EPHB3: variants seen among roughly 807,000 people sequenced by gnomAD.
EPHB3 encodes the protein EPH receptor B3, also known as ephrin type-B receptor 3.
EPHB3 carries 33 observed loss-of-function variants against 100.2 expected under a neutral mutation model. The observed-to-expected ratio is 0.33, with a 90% CI of 0.25 to 0.44. EPHB3 has a LOEUF of 0.44. EPHB3 is among the 20% of genes least tolerant of loss of function. EPHB3 has a pLI of 1.00. For synonymous variants in EPHB3, 526 were observed against 554.7 expected (o/e 0.95, Z 0.73); for missense variants, 1,045 against 1,378.3 (o/e 0.76, Z 3.83).
rs901128310 is a variant in EPHB3, at chr3:184,578,865, T to C, written c.1801+399T>C. Among the ~76,000 whole-genome samples, 3 of 151,610 alleles carry C rather than the reference T, an allele frequency of 2.0e-5. No homozygotes were observed. Among genetic ancestry groups the C allele is most frequent in the Non-Finnish European group, 4.4e-5 (3 of 67,910 alleles). ...GAGCCAGGCGGGATGAGCAGGGTGT[T>C]GGGAGGTGAGGGAGAGCATTCCTGG... On this transcript the variant is annotated intron_variant, in intron 9 of 15. Transcript: ENST00000330394. This position sits in a 1 kb window ranked among gnomAD's most constrained non-coding sequence, Gnocchi z 4.7.
In EPHB3 at chr3:184,577,905, G is replaced by A. The variant is rs1308947862; in HGVS notation, c.1647G>A (p.Gly549=). The A allele has an allele frequency of 6.2e-7, 1 of 1,613,670 alleles. No homozygotes were observed. The highest frequency in any genetic ancestry group is 1.7e-5 in the Admixed American group (1 of 59,968). The change falls in exon 8 of 16, where the codon GGG becomes GGA. Residue 549 remains glycine (G), a synonymous_variant. Transcript: ENST00000330394. The surrounding 1 kb of genome is among the most constrained non-coding windows in gnomAD (Gnocchi z 4.9). ...CCCCTTCTCTATCTCCAGGCTCTGGGGCCCAGCAGCTCCAGGAGCAGCTTC... is the reference window on the plus strand; with the variant it reads ...CCCCTTCTCTATCTCCAGGCTCTGGAGCCCAGCAGCTCCAGGAGCAGCTTC... ...EFETTSERGS[G]AQQLQEQLPL...
chr3:184,578,159 C>T lies in EPHB3; in HGVS notation c.1748+153C>T, dbSNP rs1276463053. Reference sequence around the variant, plus strand: ...CAGCCGTTGCTGGAGAAGCCCTCTCCCATCCCTGCCTGTGTCTTCATCCCG... The same window carrying T: ...CAGCCGTTGCTGGAGAAGCCCTCTCTCATCCCTGCCTGTGTCTTCATCCCG... On this transcript the variant is annotated intron_variant, in intron 8 of 15. Coordinates refer to ENST00000330394, the MANE Select transcript of EPHB3 (RefSeq NM_004443.4). This position sits in a 1 kb window ranked among gnomAD's most constrained non-coding sequence, Gnocchi z 4.7. 3.3e-6 allele frequency: 3 copies of T among 905,414 alleles called. No individual in the cohort carries two copies. Among genetic ancestry groups the T allele is most frequent in the Non-Finnish European group, 3.3e-6 (2 of 609,846 alleles). The allele number at this position is 905,414 out of a possible 1,614,324, so 56.1% of individuals were successfully genotyped here.
chr3:184,581,642 C>A lies in EPHB3; in HGVS notation c.*20C>A. ...GTCTGACACCGGCTCCCACGGGGAC[C>A]CTGAGGACCGTGCAGGGATGCCAAG... On this transcript the variant is annotated 3_prime_UTR_variant, in exon 16 of 16. Transcript: ENST00000330394. 6.3e-7 allele frequency: 1 copy of A among 1,585,216 alleles called. No individual in the cohort carries two copies.
rs1321264287 is a variant in EPHB3 at position 184,569,023 on chromosome 3, G to A, written c.119-2295G>A. Among the ~76,000 whole-genome samples the A allele has an allele frequency of 6.6e-6, 1 of 152,064 alleles. No homozygotes were observed. The highest frequency in any genetic ancestry group is 2.4e-5 in the African/African-American group (1 of 41,456). ...TCCCTCCTCCCGGAGCCAGCGCAGG[G>A]CTTGTTTTAAACTGTGGAGGAATCT... On this transcript the variant is annotated intron_variant, in intron 1 of 15. Coordinates refer to ENST00000330394, the MANE Select transcript of EPHB3 (RefSeq NM_004443.4). The surrounding 1 kb of genome is among the most constrained non-coding windows in gnomAD (Gnocchi z 5.4).
chr3:184,580,047 G>C lies in EPHB3; in HGVS notation c.2172+113G>C, dbSNP rs1714781675. The C allele has an allele frequency of 2.6e-5, 39 of 1,489,060 alleles. 1 individual carries two copies. In the South Asian group the frequency reaches 4.9e-4, roughly 19 times the overall value. The allele number at this position is 1,489,060 out of a possible 1,614,324, so 92.2% of individuals were successfully genotyped here. A position where few individuals can be genotyped will look rare whatever the true frequency, so the allele number is the denominator to read the frequency against. The stretch of plus-strand genomic sequence containing the variant: ...CAAGTCCATAAGCATTTACTGAGGT[G>C]GCTTGGTGCAGGGAAATGGCAGGGC... On this transcript the variant is annotated intron_variant, in intron 11 of 15. Coordinates refer to ENST00000330394, the MANE Select transcript of EPHB3 (RefSeq NM_004443.4).
At chr3:184,567,855 G>A (rs1339212616) in intron 1 of EPHB3, among the ~76,000 whole-genome samples, 1 of 152,190 alleles carries the variant, frequency 6.6e-6, no homozygotes. Context: ...AGGTAGGCTG[G>A]AAGCGTGGGT....
chr3:184,578,483 C>G lies in EPHB3; in HGVS notation c.1801+17C>G. The G allele has an allele frequency of 6.2e-7, 1 of 1,613,824 alleles. No individual in the cohort carries two copies. The stretch of plus-strand genomic sequence containing the variant: ...AGCAGTACAGTGAGTTTGTCCCCGC[C>G]GCCCTCCCCAAGCTCTCCCAGCCCC... On this transcript the variant is annotated intron_variant, in intron 9 of 15. Transcript: ENST00000330394. The surrounding 1 kb of genome is among the most constrained non-coding windows in gnomAD (Gnocchi z 4.7).
chr3:184,568,592 A>ACCCCCCCCCCCCCCCCCCCCCCC (rs113185340), intron 1 of EPHB3, among the ~76,000 whole-genome samples: 13 of 131,084 alleles, frequency 9.9e-5, no homozygotes, highest in African/African-American at 1.5e-4. Flanking sequence ...GGGTTCTATG[A>ACCCCCCCCCCCCCCCCCCCCCCC]CCCCCCCCCC....
At position 184,573,853 on chromosome 3, in the gene EPHB3, GA is replaced by G. The variant is rs1462567630; in HGVS notation, c.856+678del. Among the ~76,000 whole-genome samples the G allele has an allele frequency of 6.6e-6, 1 of 152,042 alleles. No homozygotes were observed. The highest frequency in any genetic ancestry group is 1.5e-5 in the Non-Finnish European group (1 of 68,010). On this transcript the variant is annotated intron_variant, in intron 3 of 15. Transcript: ENST00000330394. This position sits in a 1 kb window ranked among gnomAD's most constrained non-coding sequence, Gnocchi z 4.5. ...CTGCCTCAGCCTCCTGAGTAGTTGG[GA>G]TTACAGGCATGTGCCACCACACCCA...
In EPHB3 at chr3:184,581,063, G is replaced by A. The variant is rs779302587; in HGVS notation, c.2630G>A (p.Arg877Gln). The A allele has an allele frequency of 1.3e-5, 21 of 1,614,036 alleles. No homozygotes were observed. The highest frequency in any genetic ancestry group is 4.0e-5 in the African/African-American group (3 of 74,910). ...LHQLMLDCWV[R>Q]DRNLRPKFSQ... ...CAGCTCATGCTGGACTGCTGGGTGC[G>A]GGACCGGAACCTCAGGCCCAAATTC... is the stretch of plus-strand genomic sequence containing the variant. Residue 877 changes from arginine to glutamine, a missense_variant, in exon 14 of 16, where the codon CGG becomes CAG. Transcript: ENST00000330394.
At chr3:184,568,592 A>ACCCCCCCCCCCCCCCCCCCCCCCC (rs113185340) in intron 1 of EPHB3, among the ~76,000 whole-genome samples, 22 of 131,158 alleles carry the variant, frequency 1.7e-4, no homozygotes, top group South Asian at 5.0e-4. Flanking sequence ...GGGTTCTATG[A>ACCCCCCCCCCCCCCCCCCCCCCCC]CCCCCCCCCC....
At position 184,563,082 on chromosome 3, in the gene EPHB3, G is replaced by T. The variant is rs1295856842; in HGVS notation, c.118+729G>T. Among the ~76,000 whole-genome samples the T allele has an allele frequency of 6.6e-6, 1 of 152,198 alleles. No individual in the cohort carries two copies. The highest frequency in any genetic ancestry group is 1.5e-5 in the Non-Finnish European group (1 of 68,036). On this transcript the variant is annotated intron_variant, in intron 1 of 15. Coordinates refer to ENST00000330394, the MANE Select transcript of EPHB3 (RefSeq NM_004443.4). This position sits in a 1 kb window ranked among gnomAD's most constrained non-coding sequence, Gnocchi z 4.1. ...GGGAAAAGGCCAGGCTTCTCAATAG[G>T]TTCTGTGAAACCTGCCAAGACTGCT...
Position 184,572,638 on chromosome 3 carries a change from C to T in EPHB3, c.318C>T (p.Tyr106=), listed in dbSNP as rs1422810184. 5.7e-6 allele frequency: 9 copies of T among 1,565,970 alleles called. No individual in the cohort carries two copies. Among genetic ancestry groups the T allele is most frequent in the East Asian group, 2.3e-5 (1 of 44,418 alleles). The change falls in exon 3 of 16, where the codon TAC becomes TAT. Residue 106 remains tyrosine, a synonymous_variant. Coordinates refer to ENST00000330394, the MANE Select transcript of EPHB3 (RefSeq NM_004443.4). The surrounding 1 kb of genome is among the most constrained non-coding windows in gnomAD (Gnocchi z 6.6). The part of the protein sequence containing the change: ...FIWRRDVQRV[Y]VELKFTVRDC... ...GGCGGCGGGATGTGCAGCGGGTCTA[C>T]GTGGAGCTCAAGTTCACTGTGCGTG...
chr3:184,568,241 G>A (rs868056460), intron 1 of EPHB3, among the ~76,000 whole-genome samples: 10 of 152,130 alleles, frequency 6.6e-5, no homozygotes, highest in African/African-American at 2.2e-4. Flanking sequence ...TCCAGTCCCC[G>A]AAAGACCCCA....
rs1010677921 is a variant in EPHB3, at chr3:184,562,316, G to A, written c.81G>A (p.Pro27=). The stretch of plus-strand genomic sequence containing the variant: ...TGCTCCCTCCGCTGCTGCTGCTGCC[G>A]CTGCTGCTGCTGCCCGCCGGCTGCC... The part of the protein sequence containing the change: ...LPLLPPLLLL[P]LLLLPAGCRA... The change falls in exon 1 of 16, where the codon CCG becomes CCA. Residue 27 remains proline, a synonymous_variant. Transcript: ENST00000330394. This position sits in a 1 kb window ranked among gnomAD's most constrained non-coding sequence, Gnocchi z 4.8. 8.1e-7 allele frequency: 1 copy of A among 1,238,054 alleles called. No homozygotes were observed. The highest frequency in any genetic ancestry group is 1.0e-6 in the Non-Finnish European group (1 of 989,914). The allele number at this position is 1,238,054 out of a possible 1,614,324, so 76.7% of individuals were successfully genotyped here.
chr3:184,564,698 A>G (rs1714341138), intron 1 of EPHB3, among the ~76,000 whole-genome samples: 1 of 152,144 alleles, frequency 6.6e-6, no homozygotes, highest in Admixed American at 6.5e-5. Context: ...TCTGCCCCAC[A>G]TCTCCCTGCA....
intron 1 of EPHB3, among the ~76,000 whole-genome samples, chr3:184,567,979 T>C (rs1714435428): frequency 6.6e-6 from 1 of 152,218 alleles, no homozygotes; most frequent in Non-Finnish European, 1.5e-5. Flanking sequence ...AGACAGACCA[T>C]GGCTCTGTGT....
chr3:184,566,249 T>G (rs1560053238), intron 1 of EPHB3, among the ~76,000 whole-genome samples: 1 of 152,206 alleles, frequency 6.6e-6, no homozygotes, highest in Non-Finnish European at 1.5e-5. Context: ...AGGGCCACAG[T>G]GGGGTGGGGG....
Position 184,571,461 on chromosome 3 carries a change from C to G in EPHB3, c.183+79C>G. 6.7e-7 allele frequency: 1 copy of G among 1,500,012 alleles called. No individual in the cohort carries two copies. The highest frequency in any genetic ancestry group is 9.2e-7 in the Non-Finnish European group (1 of 1,082,214). The allele number at this position is 1,500,012 out of a possible 1,614,324, so 92.9% of individuals were successfully genotyped here. On this transcript the variant is annotated intron_variant, in intron 2 of 15. Transcript: ENST00000330394. This position sits in a 1 kb window ranked among gnomAD's most constrained non-coding sequence, Gnocchi z 5.0. ...ACTTCCAGCCTCCGTGCCCCCTCAT[C>G]TCACCAGGGCCTGGAGGAGGGCTGC...
Sources: gnomAD v4.1 joint callset for allele counts (sites outside exome capture counted in the v4.1 genomes callset) on GRCh38, gnomAD v4.1.1 for gene constraint, Gnocchi (gnomAD v3.1) non-coding constraint, MANE v1.5 for transcripts, NCBI Gene and HGNC (gene_info 2026-07-23, HGNC 2026-07-21) for gene names.